TLR1: variants seen among roughly 807,000 people sequenced by gnomAD.
TLR1 encodes toll-like receptor 1.
TLR1 carries 19 observed loss-of-function variants against 20.2 expected under a neutral mutation model. That is an observed-to-expected ratio of 0.94 (90% CI 0.66 to 1.38). The LOEUF (loss-of-function observed/expected upper bound fraction) is 1.38, where lower values mean the gene tolerates loss of function less well. Ranked by LOEUF, TLR1 falls within the 40% of genes most tolerant of loss-of-function variation. TLR1 has a pLI of 0.00. For missense variants in TLR1, 921 were observed against 910.0 expected, an observed-to-expected ratio of 1.01 and a Z score of -0.16; for synonymous variants, 320 against 334.5, an observed-to-expected ratio of 0.96 and a Z score of 0.47.
Position 38,798,429 on chromosome 4 carries a change from A to G in TLR1, c.403T>C (p.Phe135Leu). ...AFDALPICKE[F>L]GNMSQLKFLG... The stretch of plus-strand genomic sequence containing the variant: ...AATTTTAGTTGAGACATATTGCCAA[A>G]CTCTTTGCATATAGGCAGGGCATCA... The change falls in exon 4 of 4, where the codon TTT (phenylalanine) becomes CTT (leucine). Residue 135 changes from phenylalanine to leucine, a missense_variant. Phe to Leu is a conservative substitution (Grantham distance 22). Coordinates refer to ENST00000308979, the MANE Select transcript of TLR1 (RefSeq NM_003263.4). 2 of 1,613,536 alleles carry G rather than the reference A, an allele frequency of 1.2e-6. No individual in the cohort carries two copies. Among genetic ancestry groups the G allele is most frequent in the Non-Finnish European group, 1.7e-6 (2 of 1,179,558 alleles).
In TLR1 at chr4:38,797,622, C is replaced by T. The variant is rs771828863; in HGVS notation, c.1210G>A (p.Asp404Asn). The change falls in exon 4 of 4, where the codon GAT becomes AAT. Residue 404 changes from aspartate to asparagine, a missense_variant. By Grantham distance (23) the Asp-to-Asn change is conservative (BLOSUM62 1). Transcript: ENST00000308979. ...TTQMKSLQQL[D>N]ISQNSVSYDE... ...TAGCTTACAGAATTCTGGCTAATAT[C>T]CAATTGTTGCAGAGACTTCATCTGT... 6.2e-7 allele frequency: 1 copy of T among 1,613,764 alleles called. No homozygotes were observed. The highest frequency in any genetic ancestry group is 1.1e-5 in the South Asian group (1 of 91,046).
Position 38,797,861 on chromosome 4 carries a change from G to T in TLR1, c.971C>A (p.Ser324Ter), listed in dbSNP as rs143619350. ...TGTGAAATTTTTGATGTTCATATTCGAAAAGATTTCATAGATATAACTTTG... is the reference window on the plus strand; with the variant it reads ...TGTGAAATTTTTGATGTTCATATTCTAAAAGATTTCATAGATATAACTTTG... ...FPQSYIYEIF[S>*]NMNIKNFTVS... The change falls in exon 4 of 4, where the codon TCG becomes TAG. Residue 324 changes from serine to a stop codon, truncating the protein, a stop_gained. Transcript: ENST00000308979. LOFTEE classifies it low-confidence loss of function (END_TRUNC). The T allele has an allele frequency of 3.1e-6, 5 of 1,613,992 alleles. No individual in the cohort carries two copies. In the Middle Eastern group the frequency reaches 4.9e-4, roughly 160 times the overall value.
At chr4:38,788,877 A>G (rs1725658347), downstream of TLR1, among the ~76,000 whole-genome samples, 1 of 152,026 alleles carries the variant, frequency 6.6e-6, no homozygotes, top group Admixed American at 6.5e-5. Flanking sequence ...GTGTAGTGGC[A>G]TGCCCATATT....
rs1355828119 is a variant in TLR1, at chr4:38,796,793, A to G, written c.2039T>C (p.Val680Ala). The change falls in exon 4 of 4, where the codon GTG (valine) becomes GCG (alanine). Residue 680 changes from valine (V) to alanine (A), a missense_variant. By Grantham distance (64) the Val-to-Ala change is moderately conservative. Coordinates refer to ENST00000308979, the MANE Select transcript of TLR1 (RefSeq NM_003263.4). The part of the protein sequence containing the change: ...ERNFVPGKSI[V>A]ENIITCIEKS... The stretch of plus-strand genomic sequence containing the variant: ...CTCAATGCAGGTGATGATATTTTCC[A>G]CAATGCTCTTGCCAGGAACAAAGTT... 1.2e-6 allele frequency: 2 copies of G among 1,614,248 alleles called. No homozygotes were observed. Among genetic ancestry groups the G allele is most frequent in the East Asian group, 4.5e-5 (2 of 44,890 alleles).
chr4:38,793,305 T>C (rs147315118), downstream of TLR1, among the ~76,000 whole-genome samples: 327 of 152,300 alleles, frequency 2.1e-3, 2 homozygotes, highest in African/African-American at 7.5e-3. Context: ...AGGTCTTGGC[T>C]AGCTACTCTA....
rs866574446 is a variant in TLR1, at chr4:38,800,906, C to T, written c.-117G>A. The T allele has an allele frequency of 1.3e-5, 2 of 152,560 alleles. No individual in the cohort carries two copies. The highest frequency in any genetic ancestry group is 1.9e-4 in the East Asian group (1 of 5,200). The allele number at this position is 152,560 out of a possible 1,614,324, so 9.5% of individuals were successfully genotyped here. A position where few individuals can be genotyped will look rare whatever the true frequency, so the allele number is the denominator to read the frequency against. On this transcript the variant is annotated 5_prime_UTR_variant, in exon 3 of 4. Coordinates refer to ENST00000308979, the MANE Select transcript of TLR1 (RefSeq NM_003263.4). The stretch of plus-strand genomic sequence containing the variant: ...CCTTTGTTATCCTGATTTCTTCTAA[C>T]GAGGAAGAGGGCCTGGTACCCCTAT...
Position 38,797,545 on chromosome 4 carries a change from A to G in TLR1, c.1287T>C (p.Asn429=). 1 of 1,613,754 alleles carries G rather than the reference A, an allele frequency of 6.2e-7. No homozygotes were observed. Among genetic ancestry groups the G allele is most frequent in the Non-Finnish European group, 8.5e-7 (1 of 1,179,952 alleles). Residue 429 remains asparagine (N), a synonymous_variant, in exon 4 of 4, where the codon AAT becomes AAC. Coordinates refer to ENST00000308979, the MANE Select transcript of TLR1 (RefSeq NM_003263.4). Reference sequence around the variant, plus strand: ...TGTCAGTAAGTATATTTGAAGACATATTTAAACTTAATAAACTTTTAGTCC... The same window carrying G: ...TGTCAGTAAGTATATTTGAAGACATGTTTAAACTTAATAAACTTTTAGTCC... ...CSWTKSLLSL[N]MSSNILTDTI...
rs1726424051 is a variant in TLR1, at chr4:38,798,822, T to C, written c.10A>G (p.Ile4Val). 6.3e-7 allele frequency: 1 copy of C among 1,592,696 alleles called. No individual in the cohort carries two copies. The highest frequency in any genetic ancestry group is 1.3e-5 in the African/African-American group (1 of 74,172). The change falls in exon 4 of 4, where the codon ATC (isoleucine) becomes GTC (valine). Residue 4 changes from isoleucine (I) to valine (V), a missense_variant. By Grantham distance (29) the Ile-to-Val change is conservative (BLOSUM62 3). Transcript: ENST00000308979. Reference sequence around the variant, plus strand: ...ATGAAGATAATGGCAAAATGGAAGATGCTAGTCATTTTGGAACACTAGACA... The same window carrying C: ...ATGAAGATAATGGCAAAATGGAAGACGCTAGTCATTTTGGAACACTAGACA... MTS[I>V]FHFAIIFMLI...
rs368957715 is a variant in TLR1 at position 38,798,674 on chromosome 4, G to A, written c.158C>T (p.Ser53Leu). Reference protein sequence around the residue: ...LSQKTTILNISQNYISELWTS... With the variant: ...LSQKTTILNILQNYISELWTS... ...CCAAAGCTCAGATATATAATTTTGC[G>A]ATATATTTAAGATTGTTGTTTTCTG... The change falls in exon 4 of 4, where the codon TCG becomes TTG. Residue 53 changes from serine (S) to leucine (L), a missense_variant. By Grantham distance (145) the Ser-to-Leu change is moderately radical. Coordinates refer to ENST00000308979, the MANE Select transcript of TLR1 (RefSeq NM_003263.4). 6.2e-6 allele frequency: 10 copies of A among 1,613,802 alleles called. No homozygotes were observed. Among genetic ancestry groups the A allele is most frequent in the Admixed American group, 1.7e-5 (1 of 59,982 alleles).
In TLR1 at chr4:38,796,906, T is replaced by C. The variant is rs372081210; in HGVS notation, c.1926A>G (p.Ser642=). 6.2e-7 allele frequency: 1 copy of C among 1,614,194 alleles called. No homozygotes were observed. Among genetic ancestry groups the C allele is most frequent in the Non-Finnish European group, 8.5e-7 (1 of 1,180,034 alleles). ...QRNLQFHAFI[S]YSGHDSFWVK... The stretch of plus-strand genomic sequence containing the variant: ...CCCAGAAAGAATCGTGCCCACTATA[T>C]GAAATAAATGCATGAAACTGGAGAT... Residue 642 remains serine, a synonymous_variant, in exon 4 of 4, where the codon TCA becomes TCG. Coordinates refer to ENST00000308979, the MANE Select transcript of TLR1 (RefSeq NM_003263.4).
chr4:38,791,775 C>G (rs1320721934), downstream of TLR1, among the ~76,000 whole-genome samples: 2 of 152,300 alleles, frequency 1.3e-5, no homozygotes, highest in African/African-American at 4.8e-5. Flanking sequence ...ATGCCAGGAA[C>G]TGTTCTATAG....
chr4:38,794,424 C>A (rs902978568), downstream of TLR1: 2 of 152,166 alleles, frequency 1.3e-5, no homozygotes, highest in African/African-American at 4.8e-5. Flanking sequence ...AGATCCTTGA[C>A]AATATAGTCT....
exon 4 of TLR1, chr4:38,790,930 C>T (rs1276092392): frequency 6.6e-6 from 1 of 152,174 alleles, no homozygotes; most frequent in African/African-American, 2.4e-5. Context: ...TATATAATTA[C>T]CGGTGGCACT....
chr4:38,796,183 G>A (rs552370816), downstream of TLR1: 3 of 377,122 alleles, frequency 8.0e-6, no homozygotes, highest in South Asian at 1.1e-4. Flanking sequence ...CATCACTGAA[G>A]AAAAACAGGT....
rs774382003 is a variant in TLR1 at position 38,796,809 on chromosome 4, G to C, written c.2023C>G (p.Pro675Ala). ...ATATTTTCCACAATGCTCTTGCCAG[G>C]AACAAAGTTTCTCTCATGAAGGCAA... is the stretch of plus-strand genomic sequence containing the variant. ...QICLHERNFVPGKSIVENIIT... is the reference protein window; with the variant it reads ...QICLHERNFVAGKSIVENIIT... Residue 675 changes from proline (P) to alanine (A), a missense_variant, in exon 4 of 4, where the codon CCT (proline) becomes GCT (alanine). Pro to Ala is a conservative substitution (Grantham distance 27). Transcript: ENST00000308979. 5.6e-6 allele frequency: 9 copies of C among 1,614,068 alleles called. No homozygotes were observed. The East Asian group carries it at 2.0e-4, about 36-fold the overall frequency.
chr4:38,798,968 C>A (rs964680647), intron 3 of TLR1, 70 bp from the exon 4 acceptor site: 21 of 809,676 alleles, frequency 2.6e-5, no homozygotes, highest in Middle Eastern at 3.8e-4. Context: ...TTAGTCATGG[C>A]TGACATTAAA....
At position 38,797,536 on chromosome 4, in the gene TLR1, T is replaced by G; in HGVS notation, c.1296A>C (p.Ser432=). 3.1e-6 allele frequency: 5 copies of G among 1,614,054 alleles called. No homozygotes were observed. The highest frequency in any genetic ancestry group is 4.2e-6 in the Non-Finnish European group (5 of 1,180,002). ...TGAAAATAGTGTCAGTAAGTATATT[T>G]GAAGACATATTTAAACTTAATAAAC... ...TKSLLSLNMS[S]NILTDTIFRC... The change falls in exon 4 of 4, where the codon TCA becomes TCC. Residue 432 remains serine (S), a synonymous_variant. Coordinates refer to ENST00000308979, the MANE Select transcript of TLR1 (RefSeq NM_003263.4).
At chr4:38,787,573 G>T (rs895479887), downstream of TLR1, among the ~76,000 whole-genome samples, 1 of 151,496 alleles carries the variant, frequency 6.6e-6, no homozygotes, top group Admixed American at 6.6e-5. Flanking sequence ...ACAAAAAGAG[G>T]TGAAATTAAT....
upstream of TLR1, chr4:38,805,436 C>T (rs938960062): frequency 2.6e-5 from 4 of 152,110 alleles, no homozygotes; most frequent in Non-Finnish European, 5.9e-5. Context: ...AGATTCTTAG[C>T]GTGTTTTTCA....
Sources: gnomAD v4.1 joint callset for allele counts (sites outside exome capture counted in the v4.1 genomes callset) on GRCh38, gnomAD v4.1.1 for gene constraint, MANE v1.5 for transcripts, NCBI Gene and HGNC (gene_info 2026-07-23, HGNC 2026-07-21) for gene names.